PDE4D: variants seen among roughly 807,000 people sequenced by gnomAD.
PDE4D encodes phosphodiesterase 4D, also known as 3',5'-cyclic-AMP phosphodiesterase 4D.
In PDE4D, 24 loss-of-function variants were observed where a neutral mutation model predicts 87.4. The ratio of observed to expected loss-of-function variants is 0.27; its 90% CI spans 0.20 to 0.39. PDE4D has a LOEUF of 0.39. PDE4D is among the 10% of genes least tolerant of loss of function. The pLI is 1.00. For missense variants in PDE4D, 714 were observed against 1,041.0 expected (o/e 0.69, Z 4.32); for synonymous variants, 384 against 383.2 (o/e 1.00, Z -0.02).
intron 3 of PDE4D, among the ~76,000 whole-genome samples, chr5:59,953,784 C>T (rs1332999738): frequency 6.6e-6 from 1 of 152,120 alleles, no homozygotes; most frequent in Non-Finnish European, 1.5e-5. Context: ...TTTACCCATC[C>T]AATTTAAACT....
chr5:59,354,628 G>A (rs1343570651), intron 1 of PDE4D, among the ~76,000 whole-genome samples: 1 of 152,134 alleles, frequency 6.6e-6, no homozygotes, highest in East Asian at 1.9e-4. Flanking sequence ...GTGGCTGAAT[G>A]CGTAATCTCC....
intron 1 of PDE4D, among the ~76,000 whole-genome samples, chr5:60,238,063 T>C (rs1381744992): frequency 6.6e-6 from 1 of 152,016 alleles, no homozygotes; most frequent in Admixed American, 6.6e-5. Flanking sequence ...TGCCTATGGA[T>C]GTATTCTTTA....
chr5:59,822,311 C>A (rs1306947770), intron 1 of PDE4D, among the ~76,000 whole-genome samples: 4 of 152,096 alleles, frequency 2.6e-5, no homozygotes, highest in Admixed American at 2.6e-4. Flanking sequence ...CTTTTATGAT[C>A]TTGGATGAGT....
chr5:59,793,476 C>T (rs1197601953), intron 1 of PDE4D, among the ~76,000 whole-genome samples: 1 of 152,204 alleles, frequency 6.6e-6, no homozygotes, highest in African/African-American at 2.4e-5. Flanking sequence ...GTTAACTCCT[C>T]TCACCTCCAA....
intron 2 of PDE4D, among the ~76,000 whole-genome samples, chr5:60,134,480 G>A (rs1779859265): frequency 6.6e-6 from 1 of 152,146 alleles, no homozygotes. Context: ...AGTCCAGCCT[G>A]GGTGATATAG....
At chr5:59,846,737 C>T (rs1280687364) in intron 1 of PDE4D, among the ~76,000 whole-genome samples, 1 of 151,896 alleles carries the variant, frequency 6.6e-6, no homozygotes, top group African/African-American at 2.4e-5. Flanking sequence ...AAGTAGGGTG[C>T]AAAGGCTGAA....
chr5:59,687,246 C>T (rs961395069), intron 1 of PDE4D, among the ~76,000 whole-genome samples: 13 of 152,066 alleles, frequency 8.5e-5, no homozygotes, highest in Non-Finnish European at 1.3e-4. Flanking sequence ...AGATACTCCT[C>T]GAGAAGAGCA....
At chr5:59,631,340 G>A (rs1831537715) in intron 1 of PDE4D, among the ~76,000 whole-genome samples, 1 of 152,082 alleles carries the variant, frequency 6.6e-6, no homozygotes, top group Non-Finnish European at 1.5e-5. Flanking sequence ...TTATGCCCCT[G>A]CCAACAGTTA....
chr5:60,172,282 A>G (rs1783531026), intron 2 of PDE4D, among the ~76,000 whole-genome samples: 2 of 151,316 alleles, frequency 1.3e-5, no homozygotes, highest in Non-Finnish European at 1.5e-5. Flanking sequence ...ACACACACAC[A>G]CACACACACA....
chr5:59,024,967 G>A (rs189916891), intron 6 of PDE4D, among the ~76,000 whole-genome samples: 37 of 151,930 alleles, frequency 2.4e-4, no homozygotes, highest in Admixed American at 2.4e-3. Context: ...AACAAGGGAG[G>A]GGACTAGTCA....
intron 1 of PDE4D, among the ~76,000 whole-genome samples, chr5:59,230,058 A>C (rs1398901475): frequency 6.6e-6 from 1 of 152,184 alleles, no homozygotes; most frequent in Non-Finnish European, 1.5e-5. Context: ...AAGTGCTGGG[A>C]TTATAGGCGT....
At chr5:59,846,394 T>A (rs1015025974) in intron 1 of PDE4D, among the ~76,000 whole-genome samples, 1 of 152,024 alleles carries the variant, frequency 6.6e-6, no homozygotes, top group Non-Finnish European at 1.5e-5. Flanking sequence ...CAAGCTTTGT[T>A]TCATAAAAAC....
At position 58,991,931 on chromosome 5, in the gene PDE4D, C is replaced by T. The variant is rs759741977; in HGVS notation, c.1089G>A (p.Gln363=). ...EKEKKKRPMS[Q]ISGVKKLMHS... is the part of the protein sequence containing the mutation. ...GCATCAATTTCTTGACTCCACTGAT[C>T]TGAGACATTGGTCTTTTCTTTTTCT... The change falls in exon 8 of 15, where the codon CAG becomes CAA. Residue 363 remains glutamine, a synonymous_variant. Transcript: ENST00000340635. 6.2e-7 allele frequency: 1 copy of T among 1,605,282 alleles called. No homozygotes were observed. Among genetic ancestry groups the T allele is most frequent in the Non-Finnish European group, 8.5e-7 (1 of 1,175,224 alleles).
chr5:59,741,619 T>A (rs956394115), intron 1 of PDE4D, among the ~76,000 whole-genome samples: 2 of 152,208 alleles, frequency 1.3e-5, no homozygotes, highest in Admixed American at 6.5e-5. Context: ...TTTCAAATCA[T>A]AGGATATGAA....
intron 6 of PDE4D, among the ~76,000 whole-genome samples, chr5:59,031,716 A>G (rs2153385479): frequency 6.7e-6 from 1 of 148,604 alleles, no homozygotes; most frequent in African/African-American, 2.4e-5. Context: ...TCAAAAAAAA[A>G]AAAAAAAAAA....
intron 2 of PDE4D, among the ~76,000 whole-genome samples, chr5:60,141,439 T>C (rs758351645): frequency 4.6e-5 from 7 of 152,120 alleles, no homozygotes; most frequent in Non-Finnish European, 8.8e-5. Flanking sequence ...ATGGAAAATA[T>C]ACTGAGGCAG....
intron 2 of PDE4D, among the ~76,000 whole-genome samples, chr5:60,153,607 A>ATAG (rs2149446300): frequency 6.6e-6 from 1 of 152,366 alleles, no homozygotes; most frequent in South Asian, 2.1e-4. Context: ...TAGCCAAGAT[A>ATAG]TAGTATCAAA....
intron 1 of PDE4D, among the ~76,000 whole-genome samples, chr5:59,470,061 A>G (rs1232543697): frequency 6.6e-6 from 1 of 151,984 alleles, no homozygotes; most frequent in East Asian, 1.9e-4. Flanking sequence ...TTTAATAAGC[A>G]CCCCTGGTAA....
chr5:59,402,895 A>C (rs1046707628), intron 1 of PDE4D, among the ~76,000 whole-genome samples: 1 of 152,162 alleles, frequency 6.6e-6, no homozygotes, highest in African/African-American at 2.4e-5. Flanking sequence ...TTACAGTTAT[A>C]TAACAATTAT....
Sources: allele counts gnomAD v4.1 joint callset (sites outside exome capture counted in the v4.1 genomes callset), GRCh38; gene constraint gnomAD v4.1.1; transcripts MANE v1.5; gene names NCBI Gene and HGNC (gene_info 2026-07-23, HGNC 2026-07-21).